Variants in PIK3C2B observed in about 807,000 individuals in gnomAD.
PIK3C2B encodes the protein phosphatidylinositol-4-phosphate 3-kinase catalytic subunit type 2 beta.
A neutral mutation model predicts 184.3 loss-of-function variants in PIK3C2B; 83 were observed. The observed-to-expected ratio is 0.45, with a 90% confidence interval of 0.38 to 0.54. The LOEUF (loss-of-function observed/expected upper bound fraction) is 0.54. Ranked by LOEUF, PIK3C2B falls within the 20% of genes least tolerant of loss-of-function variation. PIK3C2B has a pLI of 0.00. For missense variants in PIK3C2B, 1,736 were observed against 2,113.5 expected (o/e 0.82, Z 3.50); for synonymous variants, 779 against 837.6 (o/e 0.93, Z 1.21).
At position 204,456,930 on chromosome 1, in the gene PIK3C2B, C is replaced by T. The variant is rs796618458; in HGVS notation, c.1747+107G>A. 18 of 851,640 alleles carry T rather than the reference C, an allele frequency of 2.1e-5. 1 individual carries two copies. Among genetic ancestry groups the T allele is most frequent in the African/African-American group, 1.9e-4 (11 of 58,014 alleles). 52.8% of individuals were successfully genotyped at this position (851,640 alleles called of 1,614,324 possible). ...CACCCACACACACACACACACCAGC[C>T]GAACTCCGACACATAAATCAAGGGG... On this transcript the variant is annotated intron_variant, in intron 10 of 32. Coordinates refer to ENST00000684373, the MANE Select transcript of PIK3C2B (RefSeq NM_001377334.1).
chr1:204,444,257 G>A, intron 17 of PIK3C2B, 74 bp downstream of exon 17: 1 of 1,462,010 alleles, frequency 6.8e-7, no homozygotes, highest in Non-Finnish European at 9.6e-7. Context: ...TGGTTTCTAA[G>A]GGGCAGAATG....
intron 2 of PIK3C2B, 123 bp downstream of exon 2, chr1:204,468,747 A>T (rs1656026233): frequency 2.5e-6 from 2 of 814,914 alleles, no homozygotes; most frequent in East Asian, 2.8e-5. Flanking sequence ...GGTCCCAAAG[A>T]GGGTAGGAGA....
chr1:204,454,333 T>A (rs1298420611), intron 12 of PIK3C2B, among the ~76,000 whole-genome samples: 1 of 151,286 alleles, frequency 6.6e-6, no homozygotes, highest in African/African-American at 2.4e-5. Flanking sequence ...ATACAAAAAA[T>A]TAGCTGGGCG....
At chr1:204,440,459 G>T in intron 21 of PIK3C2B, 138 bp from the exon 22 acceptor site, 1 of 807,832 alleles carries the variant, frequency 1.2e-6, no homozygotes, top group Non-Finnish European at 1.8e-6. Context: ...TGCTCACTCA[G>T]CTCACACCAG....
At chr1:204,470,072 C>T (rs564889725) in intron 1 of PIK3C2B, among the ~76,000 whole-genome samples, 186 bp from the exon 2 acceptor site, 1 of 152,096 alleles carries the variant, frequency 6.6e-6, no homozygotes, top group Admixed American at 6.5e-5. Flanking sequence ...TTATTATATC[C>T]AACTATCCAT....
chr1:204,480,161 A>C (rs1284112303), intron 1 of PIK3C2B, among the ~76,000 whole-genome samples: 2 of 152,114 alleles, frequency 1.3e-5, no homozygotes, highest in African/African-American at 4.8e-5. Context: ...CTGACCAGAG[A>C]GCACTGAATA....
Position 204,469,854 on chromosome 1 carries a change from G to A in PIK3C2B, c.-52C>T. The stretch of plus-strand genomic sequence containing the variant: ...AAGTCTCTACTTCCTGCCAACGTCA[G>A]TTCTGGAGGGTTGTGACATGGTGTC... On this transcript the variant is annotated 5_prime_UTR_variant, in exon 2 of 33. Transcript: ENST00000684373. 1.6e-6 allele frequency: 2 copies of A among 1,277,676 alleles called. No homozygotes were observed. The highest frequency in any genetic ancestry group is 2.3e-6 in the Non-Finnish European group (2 of 879,994). The allele number at this position is 1,277,676 out of a possible 1,614,324, so 79.1% of individuals were successfully genotyped here.
Position 204,440,220 on chromosome 1 carries a change from G to C in PIK3C2B, c.3351C>G (p.Phe1117Leu). ...TGCCCCGGCCGGTGGAGAAGCAGCG[G>C]AAGATGACCATGCGCATGTCCAGCC... is the stretch of plus-strand genomic sequence containing the variant. ...QEGLDMRMVI[F>L]RCFSTGRGRG... Residue 1117 changes from phenylalanine to leucine, a missense_variant, in exon 22 of 33, where the codon TTC becomes TTG. Transcript: ENST00000684373. 1 of 1,612,572 alleles carries C rather than the reference G, an allele frequency of 6.2e-7. No individual in the cohort carries two copies. Among genetic ancestry groups the C allele is most frequent in the Non-Finnish European group, 8.5e-7 (1 of 1,179,178 alleles).
At chr1:204,445,919 G>C (rs766815351) in intron 16 of PIK3C2B, 37 bp downstream of exon 16, 2 of 1,417,478 alleles carry the variant, frequency 1.4e-6, no homozygotes, top group South Asian at 1.6e-5. Flanking sequence ...GCTTCTACAA[G>C]AACACATAGT....
chr1:204,470,882 C>T (rs1476316540), intron 1 of PIK3C2B, among the ~76,000 whole-genome samples: 1 of 152,208 alleles, frequency 6.6e-6, no homozygotes, highest in African/African-American at 2.4e-5. Context: ...CCAGACAAAA[C>T]AGTATGAGTA....
At chr1:204,482,720 G>C (rs963334711) in intron 1 of PIK3C2B, among the ~76,000 whole-genome samples, 1 of 151,850 alleles carries the variant, frequency 6.6e-6, no homozygotes, top group Non-Finnish European at 1.5e-5. Context: ...GGAAGCAGAG[G>C]CTGCAGTGAG....
intron 23 of PIK3C2B, among the ~76,000 whole-genome samples, chr1:204,438,605 A>AT (rs1675477452): frequency 1.3e-5 from 2 of 152,232 alleles, no homozygotes; most frequent in African/African-American, 4.8e-5. Context: ...CTCTGAGAAC[A>AT]TAAGGGAACC....
chr1:204,487,968 A>G (rs1407734185), intron 1 of PIK3C2B, among the ~76,000 whole-genome samples: 1 of 152,218 alleles, frequency 6.6e-6, no homozygotes, highest in Non-Finnish European at 1.5e-5. Flanking sequence ...TACAAGAACC[A>G]TGAGCTGTTG....
chr1:204,456,942 CAT>C (rs1464547763), intron 10 of PIK3C2B, 93 bp downstream of exon 10: 1 of 1,015,090 alleles, frequency 9.9e-7, no homozygotes, highest in East Asian at 2.6e-5. Flanking sequence ...AACTCCGACA[CAT>C]AAATCAAGGG....
chr1:204,472,773 T>C (rs1379783757), intron 1 of PIK3C2B, among the ~76,000 whole-genome samples: 1 of 152,054 alleles, frequency 6.6e-6, no homozygotes, highest in African/African-American at 2.4e-5. Flanking sequence ...AGACCAAAAC[T>C]CTGTCTAAAA....
At position 204,465,224 on chromosome 1, in the gene PIK3C2B, C is replaced by CA; in HGVS notation, c.1028dup (p.Asp344GlyfsTer8). 1 of 1,507,266 alleles carries CA rather than the reference C, an allele frequency of 6.6e-7. No individual in the cohort carries two copies. The highest frequency in any genetic ancestry group is 9.0e-7 in the Non-Finnish European group (1 of 1,112,728). 93.4% of individuals were successfully genotyped at this position (1,507,266 alleles called of 1,614,324 possible). A position where few individuals can be genotyped will look rare whatever the true frequency, so the allele number is the denominator to read the frequency against. On this transcript the variant is annotated frameshift_variant, in exon 3 of 33. Transcript: ENST00000684373. LOFTEE classifies it high-confidence loss of function. The stretch of plus-strand genomic sequence containing the variant: ...CCCCATTCTTTAACTCTTACATATC[C>CA]AGCATGTGGCAAAATGCAGCAACCT...
rs867602544 is a variant in PIK3C2B, at chr1:204,447,333, A to G, written c.2489+103T>C. On this transcript the variant is annotated intron_variant, in intron 15 of 32. Transcript: ENST00000684373. The surrounding 1 kb of genome is among the most constrained non-coding windows in gnomAD (Gnocchi z 4.1). ...GCCTCCACTTCCTGCTGAGATGGCA[A>G]TGCCCACCCCTTCCCACCTCCACTC... 7 of 1,156,450 alleles carry G rather than the reference A, an allele frequency of 6.1e-6. No homozygotes were observed. The highest frequency in any genetic ancestry group is 1.5e-5 in the South Asian group (1 of 68,568). The allele number at this position is 1,156,450 out of a possible 1,614,324, so 71.6% of individuals were successfully genotyped here.
chr1:204,452,168 G>C (rs905444836), intron 12 of PIK3C2B, among the ~76,000 whole-genome samples: 1 of 152,014 alleles, frequency 6.6e-6, no homozygotes, highest in Admixed American at 6.6e-5. Flanking sequence ...GGGATCTCAG[G>C]GAACAAAATG....
intron 29 of PIK3C2B, among the ~76,000 whole-genome samples, chr1:204,428,657 C>G (rs1215008865): frequency 6.6e-6 from 1 of 152,098 alleles, no homozygotes; most frequent in Non-Finnish European, 1.5e-5. Context: ...CCACGCCCAG[C>G]TAATTTTTGT....
Sources: allele counts gnomAD v4.1 joint callset (sites outside exome capture counted in the v4.1 genomes callset), GRCh38; gene constraint gnomAD v4.1.1; non-coding constraint Gnocchi (gnomAD v3.1); transcripts MANE v1.5; gene names NCBI Gene and HGNC (gene_info 2026-07-23, HGNC 2026-07-21).